The following RBFOX1 variants were observed in gnomAD, a reference collection of about 807,000 sequenced individuals.
RBFOX1 encodes RNA binding protein fox-1 homolog 1.
RBFOX1 carries 8 observed loss-of-function variants against 57.7 expected under a neutral mutation model. The ratio of observed to expected loss-of-function variants is 0.14; its 90% CI spans 0.08 to 0.25. RBFOX1 has a LOEUF of 0.25. RBFOX1 is among the 10% of genes least tolerant of loss of function. RBFOX1 has a pLI of 1.00. For missense variants in RBFOX1, 611 were observed against 548.5 expected (o/e 1.11, Z -1.14); for synonymous variants, 326 against 222.4 (o/e 1.47, Z -4.15).
intron 4 of RBFOX1, among the ~76,000 whole-genome samples, chr16:7,485,348 T>A (rs2065110100): frequency 6.6e-6 from 1 of 152,262 alleles, no homozygotes; most frequent in Non-Finnish European, 1.5e-5. Context: ...GCTTATACAT[T>A]TCTGGAAGAC....
At chr16:6,767,459 C>G (rs975299918) in intron 3 of RBFOX1, among the ~76,000 whole-genome samples, 1 of 152,158 alleles carries the variant, frequency 6.6e-6, no homozygotes, top group Admixed American at 6.5e-5. Flanking sequence ...TGAGGTTTTT[C>G]ACTTATGTGA....
chr16:6,002,298 T>G (rs562541364), intron 4 of RBFOX1, among the ~76,000 whole-genome samples: 1 of 152,314 alleles, frequency 6.6e-6, no homozygotes, highest in East Asian at 1.9e-4. Context: ...CTTACGATTG[T>G]GTCTCTTTTG....
intron 1 of RBFOX1, among the ~76,000 whole-genome samples, chr16:6,027,763 T>G (rs1567288003): frequency 6.6e-6 from 1 of 152,172 alleles, no homozygotes; most frequent in Non-Finnish European, 1.5e-5. Context: ...GGCAGCAAAT[T>G]GGTCCCAGAA....
At chr16:6,060,808 G>A (rs1181308247) in intron 1 of RBFOX1, among the ~76,000 whole-genome samples, 1 of 152,182 alleles carries the variant, frequency 6.6e-6, no homozygotes, top group African/African-American at 2.4e-5. Context: ...AACCAGGAAG[G>A]GAACATCTAC....
chr16:7,418,451 G>A (rs1009926091), intron 4 of RBFOX1, among the ~76,000 whole-genome samples: 5 of 152,164 alleles, frequency 3.3e-5, no homozygotes, highest in Admixed American at 1.3e-4. Context: ...CCTTTAGGGC[G>A]TGAGCCAGGC....
At chr16:6,839,827 G>C (rs1249829857) in intron 3 of RBFOX1, among the ~76,000 whole-genome samples, 4 of 152,174 alleles carry the variant, frequency 2.6e-5, no homozygotes, top group African/African-American at 9.7e-5. Flanking sequence ...TGTACTCATA[G>C]CTATAATCAT....
intron 3 of RBFOX1, among the ~76,000 whole-genome samples, chr16:6,660,668 C>T (rs893812925): frequency 1.3e-5 from 2 of 152,148 alleles, no homozygotes; most frequent in African/African-American, 4.8e-5. Flanking sequence ...ATACAATCTG[C>T]TTGAAATATT....
At chr16:6,198,629 G>A (rs1179718611) in intron 1 of RBFOX1, among the ~76,000 whole-genome samples, 2 of 152,152 alleles carry the variant, frequency 1.3e-5, no homozygotes, top group Admixed American at 6.6e-5. Flanking sequence ...AGACTTTTAT[G>A]ATTAGGAATT....
At position 7,446,798 on chromosome 16, in the gene RBFOX1, A is replaced by ATT. The variant is rs34580591; in HGVS notation, c.28-71318_28-71317dup. On this transcript the variant is annotated intron_variant, in intron 4 of 15. Transcript: ENST00000550418. ...TTCTCAAGCCAAGGTAGGTCTAGGT[A>ATT]TTTTTTTTTTTTTTTTTTTTTTTTT... Among the ~76,000 whole-genome samples, 102 of 49,024 alleles carry ATT rather than the reference A, an allele frequency of 2.1e-3. 13 individuals carry two copies. The highest frequency in any genetic ancestry group is 2.8e-3 in the Admixed American group (7 of 2,478). The allele number at this position is 49,024 out of a possible 152,430, so 32.2% of individuals were successfully genotyped here.
chr16:6,132,974 A>AAAAAAAAAAAG (rs71142682), intron 1 of RBFOX1, among the ~76,000 whole-genome samples: 2 of 148,028 alleles, frequency 1.4e-5, no homozygotes, highest in African/African-American at 5.1e-5. Flanking sequence ...CAAAAAAAAA[A>AAAAAAAAAAAG]AAAAGAAAAG....
chr16:7,075,379 G>T (rs12929675), intron 4 of RBFOX1, among the ~76,000 whole-genome samples: 65,622 of 152,052 alleles, frequency 0.43, 16,887 homozygotes, highest in South Asian at 0.63. Flanking sequence ...ACTTTCAGTT[G>T]CTGTGTTGCC....
At chr16:6,923,098 G>A (rs2074838854) in intron 3 of RBFOX1, among the ~76,000 whole-genome samples, 1 of 152,182 alleles carries the variant, frequency 6.6e-6, no homozygotes, top group South Asian at 2.1e-4. Flanking sequence ...AAGGCAATGA[G>A]AGAAAGTGAT....
chr16:7,118,998 G>T (rs1244500457), intron 4 of RBFOX1, among the ~76,000 whole-genome samples: 1 of 152,122 alleles, frequency 6.6e-6, no homozygotes, highest in African/African-American at 2.4e-5. Context: ...AGTCAGTTCT[G>T]TGTGCCAGAG....
At chr16:6,593,019 C>T (rs1018687560) in intron 2 of RBFOX1, among the ~76,000 whole-genome samples, 1 of 152,066 alleles carries the variant, frequency 6.6e-6, no homozygotes, top group African/African-American at 2.4e-5. Flanking sequence ...ATGGTAAAAC[C>T]TGTCTGTACT....
At chr16:6,232,781 G>A (rs2097474140) in intron 1 of RBFOX1, among the ~76,000 whole-genome samples, 1 of 152,290 alleles carries the variant, frequency 6.6e-6, no homozygotes, top group South Asian at 2.1e-4. Flanking sequence ...GTCTTGCTCA[G>A]ATTTGCTTCC....
At chr16:5,328,663 C>T (rs2064655357) in intron 1 of RBFOX1, among the ~76,000 whole-genome samples, 1 of 152,212 alleles carries the variant, frequency 6.6e-6, no homozygotes, top group Admixed American at 6.5e-5. Flanking sequence ...TGCTCTCCAG[C>T]CCTGCCATAC....
chr16:7,142,502 A>T (rs1430493837), intron 4 of RBFOX1, among the ~76,000 whole-genome samples: 1 of 151,936 alleles, frequency 6.6e-6, no homozygotes, highest in African/African-American at 2.4e-5. Flanking sequence ...CCTACCCCTG[A>T]GTGTTTGTAT....
chr16:6,441,837 C>G (rs2094389480), intron 2 of RBFOX1, among the ~76,000 whole-genome samples: 1 of 152,130 alleles, frequency 6.6e-6, no homozygotes, highest in Non-Finnish European at 1.5e-5. Flanking sequence ...CTGTCTCATC[C>G]CAAGTCTGGG....
intron 4 of RBFOX1, among the ~76,000 whole-genome samples, chr16:7,349,021 A>G (rs1474059252): frequency 2.0e-5 from 3 of 152,072 alleles, no homozygotes; most frequent in Non-Finnish European, 2.9e-5. Flanking sequence ...CTGCTTTCAG[A>G]TTTTCTTGTA....
Sources: gnomAD v4.1 joint callset for allele counts (sites outside exome capture counted in the v4.1 genomes callset) on GRCh38, gnomAD v4.1.1 for gene constraint, MANE v1.5 for transcripts, NCBI Gene and HGNC (gene_info 2026-07-23, HGNC 2026-07-21) for gene names.